SH2D4B: variants seen among roughly 807,000 people sequenced by gnomAD.
The protein encoded by SH2D4B is SH2 domain containing 4B, also known as SH2 domain-containing protein 4B.
SH2D4B carries 45 observed loss-of-function variants against 61.5 expected under a neutral mutation model. The ratio of observed to expected loss-of-function variants is 0.73; its 90% CI spans 0.58 to 0.94. SH2D4B has a LOEUF of 0.94. SH2D4B is among the 40% of genes least tolerant of loss of function. SH2D4B has a pLI of 0.00. For synonymous variants in SH2D4B, 224 were observed against 220.4 expected (o/e 1.02, Z -0.14); for missense variants, 572 against 574.2 (o/e 1.00, Z 0.04).
rs143973331 is a variant in SH2D4B, at chr10:80,581,851, C to G, written c.496-6779C>G. On this transcript the variant is annotated intron_variant, in intron 3 of 7. Transcript: ENST00000646907. ...TATTCTTCCTGACACCTGCTCCTGC[C>G]TGGAAGACCCCAGTGGGTCAGGGGT... Among the ~76,000 whole-genome samples the G allele has an allele frequency of 1.8e-4, 28 of 152,302 alleles. No homozygotes were observed. The East Asian group carries it at 5.2e-3, about 28-fold the overall frequency.
intron 1 of SH2D4B, among the ~76,000 whole-genome samples, chr10:80,546,324 A>G (rs147205760): frequency 3.8e-4 from 58 of 152,216 alleles, no homozygotes; most frequent in Non-Finnish European, 5.1e-4. Flanking sequence ...CTGGGATTAT[A>G]GGTGTGAGCC....
chr10:80,639,826 T>G (rs1407150764), intron 7 of SH2D4B, among the ~76,000 whole-genome samples: 1 of 152,222 alleles, frequency 6.6e-6, no homozygotes, highest in African/African-American at 2.4e-5. Flanking sequence ...GTCATTATGA[T>G]GTTCGCTGGT....
intron 6 of SH2D4B, among the ~76,000 whole-genome samples, chr10:80,611,191 A>AC (rs1294403836): frequency 2.0e-5 from 3 of 151,106 alleles, no homozygotes; most frequent in Admixed American, 1.3e-4. Flanking sequence ...AAAAAAAAAA[A>AC]AAAAAAAAAA....
At chr10:80,578,851 G>A (rs1170669411) in intron 3 of SH2D4B, among the ~76,000 whole-genome samples, 1 of 152,192 alleles carries the variant, frequency 6.6e-6, no homozygotes, top group East Asian at 1.9e-4. Context: ...CTATGACAAC[G>A]AGGAAGGAGA....
chr10:80,621,820 C>A (rs958575765), intron 6 of SH2D4B, among the ~76,000 whole-genome samples: 2 of 152,192 alleles, frequency 1.3e-5, no homozygotes, highest in African/African-American at 4.8e-5. Context: ...CCTGGCCCTA[C>A]CTTGACTCTT....
intron 3 of SH2D4B, among the ~76,000 whole-genome samples, chr10:80,572,059 A>C (rs571345240): frequency 5.1e-4 from 77 of 152,068 alleles, no homozygotes; most frequent in African/African-American, 1.8e-3. Context: ...GGCGTGAGCC[A>C]CTGCGCCCGG....
At chr10:80,599,461 C>A (rs1842420415) in intron 4 of SH2D4B, among the ~76,000 whole-genome samples, 1 of 152,156 alleles carries the variant, frequency 6.6e-6, no homozygotes, top group South Asian at 2.1e-4. Context: ...TGCTTAGGGT[C>A]CTCTCTCCTC....
chr10:80,599,792 A>T (rs1842429901), intron 4 of SH2D4B, among the ~76,000 whole-genome samples: 1 of 152,152 alleles, frequency 6.6e-6, no homozygotes, highest in Non-Finnish European at 1.5e-5. Context: ...TGGCTCCAGC[A>T]GGCCGAGTCA....
Position 80,546,183 on chromosome 10 carries a change from T to C in SH2D4B, c.184+7668T>C, listed in dbSNP as rs143686225. On this transcript the variant is annotated intron_variant, in intron 1 of 7. Coordinates refer to ENST00000646907, the MANE Select transcript of SH2D4B (RefSeq NM_001388272.1). ...CCTCAGCCTCCTGAGTAGCTGGGAC[T>C]ACAGGCGTGTGCCACCATGCACGGC... Among the ~76,000 whole-genome samples the C allele has an allele frequency of 4.0e-4, 60 of 151,308 alleles. 1 individual carries two copies. In the East Asian group the frequency reaches 9.0e-3, roughly 23 times the overall value.
chr10:80,631,868 C>G (rs1431916632), intron 6 of SH2D4B, among the ~76,000 whole-genome samples: 1 of 152,102 alleles, frequency 6.6e-6, no homozygotes, highest in African/African-American at 2.4e-5. Context: ...GGAATAAGTT[C>G]AAGAGATCTA....
intron 6 of SH2D4B, among the ~76,000 whole-genome samples, chr10:80,633,183 G>A (rs964643172): frequency 2.0e-5 from 3 of 151,822 alleles, no homozygotes; most frequent in Non-Finnish European, 4.4e-5. Flanking sequence ...GCCTCTCAGG[G>A]TCATGGAGAT....
At chr10:80,560,665 T>C (rs574390218) in intron 1 of SH2D4B, among the ~76,000 whole-genome samples, 21 of 150,480 alleles carry the variant, frequency 1.4e-4, no homozygotes, top group Non-Finnish European at 2.5e-4. Flanking sequence ...GCTGGAATTA[T>C]AGGCCTGAAC....
At chr10:80,596,718 C>T in intron 4 of SH2D4B, among the ~76,000 whole-genome samples, 1 of 152,188 alleles carries the variant, frequency 6.6e-6, no homozygotes, top group East Asian at 1.9e-4. Flanking sequence ...CAGTCTATAA[C>T]AAGTTTGTTT....
At chr10:80,628,756 G>T (rs1842793934) in intron 6 of SH2D4B, among the ~76,000 whole-genome samples, 1 of 152,142 alleles carries the variant, frequency 6.6e-6, no homozygotes, top group Admixed American at 6.5e-5. Context: ...GGCCAGGCGT[G>T]GTGGCTCATG....
chr10:80,591,161 T>A (rs1255951148), intron 4 of SH2D4B, among the ~76,000 whole-genome samples: 1 of 151,986 alleles, frequency 6.6e-6, no homozygotes, highest in African/African-American at 2.4e-5. Context: ...AACATTTGGG[T>A]TGTTTTCACT....
intron 1 of SH2D4B, among the ~76,000 whole-genome samples, chr10:80,563,264 TTCTAG>T (rs1457985366): frequency 2.0e-5 from 3 of 152,234 alleles, no homozygotes; most frequent in Admixed American, 2.0e-4. Flanking sequence ...GAAATATCTA[TTCTAG>T]TCTTTTGCCA....
At position 80,539,393 on chromosome 10, in the gene SH2D4B, A is replaced by G. The variant is rs1350075176; in HGVS notation, c.184+878A>G. Reference sequence around the variant, plus strand: ...ACAAAGTCCTGTTTCAGGGCTGAGCACACAGCTCCCTTGGTGATCTGGCTC... The same window carrying G: ...ACAAAGTCCTGTTTCAGGGCTGAGCGCACAGCTCCCTTGGTGATCTGGCTC... On this transcript the variant is annotated intron_variant, in intron 1 of 7. Transcript: ENST00000646907. The surrounding 1 kb of genome is among the most constrained non-coding windows in gnomAD (Gnocchi z 4.9). Among the ~76,000 whole-genome samples, 1 of 152,224 alleles carries G rather than the reference A, an allele frequency of 6.6e-6. No homozygotes were observed. The highest frequency in any genetic ancestry group is 2.4e-5 in the African/African-American group (1 of 41,460).
At chr10:80,620,117 G>C (rs1410709326) in intron 6 of SH2D4B, among the ~76,000 whole-genome samples, 1 of 152,198 alleles carries the variant, frequency 6.6e-6, no homozygotes, top group African/African-American at 2.4e-5. Context: ...ATTGTGCATG[G>C]AAGGCTGATA....
At chr10:80,620,172 A>C (rs1476509246) in intron 6 of SH2D4B, among the ~76,000 whole-genome samples, 1 of 152,202 alleles carries the variant, frequency 6.6e-6, no homozygotes, top group African/African-American at 2.4e-5. Flanking sequence ...TTGAATTGTA[A>C]TTCCCAATGT....
Sources: allele counts gnomAD v4.1 joint callset (sites outside exome capture counted in the v4.1 genomes callset), GRCh38; gene constraint gnomAD v4.1.1; non-coding constraint Gnocchi (gnomAD v3.1); transcripts MANE v1.5; gene names NCBI Gene and HGNC (gene_info 2026-07-23, HGNC 2026-07-21).